The following POMGNT1 variants were observed in gnomAD, a reference collection of about 807,000 sequenced individuals.
POMGNT1 encodes the protein protein O-linked-mannose beta-1,2-N-acetylglucosaminyltransferase 1.
A neutral mutation model predicts 95.6 loss-of-function variants in POMGNT1; 67 were observed. The observed-to-expected ratio is 0.70, with a 90% CI of 0.58 to 0.86. POMGNT1 has a LOEUF of 0.86. POMGNT1 is among the 40% of genes least tolerant of loss of function. The pLI is 0.00. For synonymous variants in POMGNT1, 298 were observed against 317.9 expected (o/e 0.94, Z 0.66); for missense variants, 719 against 855.2 (o/e 0.84, Z 1.99).
intron 1 of POMGNT1, 169 bp from the exon 2 acceptor site, chr1:46,198,040 G>T: frequency 1.6e-6 from 1 of 626,612 alleles, no homozygotes; most frequent in Non-Finnish European, 2.7e-6. Context: ...CCTTCAGTGG[G>T]GTTGGATCAC....
At chr1:46,193,109 A>G in intron 13 of POMGNT1, 65 bp downstream of exon 13, 1 of 1,611,010 alleles carries the variant, frequency 6.2e-7, no homozygotes, top group Non-Finnish European at 8.5e-7. Flanking sequence ...GCCACGTAAC[A>G]GGCCCAGACC....
intron 1 of POMGNT1, chr1:46,219,668 C>A: frequency 6.5e-7 from 1 of 1,540,740 alleles, no homozygotes; most frequent in Non-Finnish European, 8.7e-7. Flanking sequence ...TGCCCCAGAA[C>A]TGGGACTAAT....
At position 46,193,611 on chromosome 1, in the gene POMGNT1, C is replaced by T. The variant is rs1306444778; in HGVS notation, c.979G>A (p.Gly327Arg). The change falls in exon 11 of 22, where the codon GGG (glycine) becomes AGG (arginine). Residue 327 changes from glycine to arginine, a missense_variant. This residue lies in a region of POMGNT1 where 466 missense variants were observed against 517.4 expected (regional missense o/e 0.90). Transcript: ENST00000371984. Reference protein sequence around the residue: ...RMLRSLLSAQGVSPQMITVFI... With the variant: ...RMLRSLLSAQRVSPQMITVFI... Reference sequence around the variant, plus strand: ...ACTGTTATCATCTGAGGAGACACCCCCTGGGCTGAAAGCAGAGAGCGCAGC... The same window carrying T: ...ACTGTTATCATCTGAGGAGACACCCTCTGGGCTGAAAGCAGAGAGCGCAGC... The T allele has an allele frequency of 5.6e-6, 9 of 1,614,044 alleles. No individual in the cohort carries two copies. Among genetic ancestry groups the T allele is most frequent in the Non-Finnish European group, 7.6e-6 (9 of 1,180,030 alleles).
chr1:46,201,282 T>C (rs1571677586), upstream of POMGNT1, among the ~76,000 whole-genome samples: 1 of 144,190 alleles, frequency 6.9e-6, no homozygotes, highest in African/African-American at 2.6e-5. Context: ...GAGGCTAAGG[T>C]GGGAGGATTG....
chr1:46,198,025 G>A, intron 1 of POMGNT1, 154 bp from the exon 2 acceptor site: 1 of 694,126 alleles, frequency 1.4e-6, no homozygotes. Flanking sequence ...GGGCTGGCAG[G>A]AAACCCTTCA....
Position 46,197,844 on chromosome 1 carries a change from G to A in POMGNT1, c.-23C>T. On this transcript the variant is annotated 5_prime_UTR_variant, in exon 2 of 22. Transcript: ENST00000371984. Reference sequence around the variant, plus strand: ...CATACCGGATTGGCGGGTCACCAATGTCCTGGCCAGCCCATGACTTCAGGA... The same window carrying A: ...CATACCGGATTGGCGGGTCACCAATATCCTGGCCAGCCCATGACTTCAGGA... 6.2e-7 allele frequency: 1 copy of A among 1,613,404 alleles called. No individual in the cohort carries two copies. Among genetic ancestry groups the A allele is most frequent in the Non-Finnish European group, 8.5e-7 (1 of 1,179,980 alleles).
chr1:46,219,367 A>G (rs970091734), intron 1 of POMGNT1, among the ~76,000 whole-genome samples: 5 of 152,112 alleles, frequency 3.3e-5, no homozygotes, highest in African/African-American at 7.2e-5. Context: ...AATACTTAAC[A>G]TTTACTGAGA....
rs773143031 is a variant in POMGNT1 at position 46,192,239 on chromosome 1, C to A, written c.1414-16G>T. 2.5e-5 allele frequency: 40 copies of A among 1,614,048 alleles called. No individual in the cohort carries two copies. In the Admixed American group the frequency reaches 3.7e-4, roughly 15 times the overall value. On this transcript the variant is annotated splice_polypyrimidine_tract_variant and intron_variant, in intron 16 of 21. Coordinates refer to ENST00000371984, the MANE Select transcript of POMGNT1 (RefSeq NM_017739.4). ...AATCCCAGAGCTGGCAGACATGGAC[C>A]ACGATGAAGGTTAAGATGTTTCGAG...
At chr1:46,190,885 A>C in intron 17 of POMGNT1, 101 bp from the exon 18 acceptor site, 2 of 1,082,378 alleles carry the variant, frequency 1.8e-6, no homozygotes, top group Non-Finnish European at 2.9e-6. Context: ...ATGAAGTCCT[A>C]GACCTGTAAA....
chr1:46,214,100 CT>C (rs902088325), intron 1 of POMGNT1, among the ~76,000 whole-genome samples: 6 of 152,254 alleles, frequency 3.9e-5, no homozygotes, highest in Admixed American at 1.3e-4. Flanking sequence ...AATCCCAATA[CT>C]TTGGAAGGCC....
chr1:46,206,773 A>G (rs1658729920), intron 1 of POMGNT1, among the ~76,000 whole-genome samples: 1 of 152,216 alleles, frequency 6.6e-6, no homozygotes, highest in Admixed American at 6.5e-5. Flanking sequence ...CAAGGATAGT[A>G]AAGGCAAGAG....
upstream of POMGNT1, among the ~76,000 whole-genome samples, chr1:46,202,414 TG>T (rs1157089121): frequency 5.9e-5 from 9 of 152,070 alleles, no homozygotes; most frequent in South Asian, 1.7e-3. Flanking sequence ...GGATCTTGGC[TG>T]GGCGCAGTGG....
intron 1 of POMGNT1, among the ~76,000 whole-genome samples, chr1:46,207,866 T>G (rs2148239599): frequency 6.6e-6 from 1 of 151,382 alleles, no homozygotes; most frequent in South Asian, 2.1e-4. Context: ...ATTATTTATT[T>G]ATTATCATTA....
At chr1:46,204,536 CT>C (rs1309676366) in intron 1 of POMGNT1, among the ~76,000 whole-genome samples, 1 of 94,570 alleles carries the variant, frequency 1.1e-5, no homozygotes, top group Non-Finnish European at 2.9e-5. Context: ...TAAAGTCTTC[CT>C]GTGTGCCCAG....
At chr1:46,212,296 T>C (rs1658921062) in intron 1 of POMGNT1, among the ~76,000 whole-genome samples, 1 of 151,972 alleles carries the variant, frequency 6.6e-6, no homozygotes, top group Non-Finnish European at 1.5e-5. Context: ...TTTTTTTTTT[T>C]TTGAGACGGA....
intron 1 of POMGNT1, chr1:46,219,600 T>G: frequency 7.6e-7 from 1 of 1,314,232 alleles, no homozygotes; most frequent in South Asian, 1.5e-5. Context: ...CGTCTTAAAG[T>G]GAAACATGGT....
At position 46,188,828 on chromosome 1, in the gene POMGNT1, GT is replaced by G. The variant is rs1657515621; in HGVS notation, c.*441del. ...CAGCATGTGGGCCCCAGCTGGGCCT[GT>G]CCATGGGTTGGGCACAGCAGTTTCC... On this transcript the variant is annotated 3_prime_UTR_variant, in exon 22 of 22. Transcript: ENST00000371984. 1 of 1,612,820 alleles carries G rather than the reference GT, an allele frequency of 6.2e-7. No individual in the cohort carries two copies. Among genetic ancestry groups the G allele is most frequent in the Non-Finnish European group, 8.5e-7 (1 of 1,179,914 alleles).
upstream of POMGNT1, among the ~76,000 whole-genome samples, chr1:46,200,809 CT>C (rs1239795385): frequency 6.6e-6 from 1 of 152,200 alleles, no homozygotes; most frequent in African/African-American, 2.4e-5. Flanking sequence ...TCCTCCTATC[CT>C]TTTCTCCTTG....
chr1:46,190,417 A>G (rs1188555305), intron 19 of POMGNT1, 56 bp downstream of exon 19: 1 of 1,519,646 alleles, frequency 6.6e-7, no homozygotes, highest in Non-Finnish European at 9.1e-7. Context: ...TGGGGCCAAG[A>G]TCCCCAGTAT....
Sources: allele counts gnomAD v4.1 joint callset (sites outside exome capture counted in the v4.1 genomes callset), GRCh38; gene constraint gnomAD v4.1.1; regional missense constraint gnomAD v4.1.1; transcripts MANE v1.5; gene names NCBI Gene and HGNC (gene_info 2026-07-23, HGNC 2026-07-21).